ANXA3: variants seen among roughly 807,000 people sequenced by gnomAD.
The protein encoded by ANXA3 is 35-alpha calcimedin.
A neutral mutation model predicts 48.8 loss-of-function variants in ANXA3; 46 were observed. That is an observed-to-expected ratio of 0.94 (90% CI 0.74 to 1.21). The LOEUF (loss-of-function observed/expected upper bound fraction) is 1.21. Among genes scored for constraint, ANXA3 ranks in the 50% most tolerant of loss-of-function variants. The pLI is 0.00. For synonymous variants in ANXA3, 128 were observed against 134.7 expected (o/e 0.95, Z 0.35); for missense variants, 383 against 378.6 (o/e 1.01, Z -0.10).
intron 2 of ANXA3, among the ~76,000 whole-genome samples, chr4:78,562,268 A>G (rs2109926401): frequency 6.6e-6 from 1 of 152,374 alleles, no homozygotes; most frequent in South Asian, 2.1e-4. Flanking sequence ...TAAAATGAAT[A>G]CACAGGTCTC....
chr4:78,593,142 CACACACACA>C (rs1723337321), intron 7 of ANXA3, among the ~76,000 whole-genome samples: 2 of 151,720 alleles, frequency 1.3e-5, no homozygotes, highest in African/African-American at 4.8e-5. Flanking sequence ...CACACACACA[CACACACACA>C]CCACTTAAAC....
chr4:78,604,526 G>A, intron 12 of ANXA3, 127 bp downstream of exon 12: 1 of 763,234 alleles, frequency 1.3e-6, no homozygotes, highest in Non-Finnish European at 1.9e-6. Context: ...GTATAAATGT[G>A]TTGTCTGAGC....
chr4:78,585,761 A>G (rs78728705), intron 5 of ANXA3, among the ~76,000 whole-genome samples: 2,899 of 152,322 alleles, frequency 0.019, 108 homozygotes, highest in African/African-American at 0.066. Context: ...TGACCTTGAT[A>G]TAAACAGGAC....
chr4:78,578,995 A>C, intron 3 of ANXA3, 32 bp from the exon 4 acceptor site: 1 of 1,461,288 alleles, frequency 6.8e-7, no homozygotes, highest in Admixed American at 1.7e-5. Context: ...TTGAGCATAA[A>C]TATTGAGTAA....
Position 78,582,179 on chromosome 4 carries a change from G to C in ANXA3, c.201G>C (p.Glu67Asp). Residue 67 changes from glutamate to aspartate, a missense_variant and splice_region_variant, in exon 5 of 13, where the codon GAG (glutamate) becomes GAC (aspartate). By Grantham distance (45) the Glu-to-Asp change is conservative (BLOSUM62 2). Transcript: ENST00000264908. The part of the protein sequence containing the change: ...VKEYQAAYGK[E>D]LKDDLKGDLS... ...TCCCCTTGGTTTTTTGATTTTAGGAGCTGAAAGATGACTTGAAGGGTGATC... is the reference window on the plus strand; with the variant it reads ...TCCCCTTGGTTTTTTGATTTTAGGACCTGAAAGATGACTTGAAGGGTGATC... 1 of 1,600,958 alleles carries C rather than the reference G, an allele frequency of 6.2e-7. No homozygotes were observed. Among genetic ancestry groups the C allele is most frequent in the South Asian group, 1.1e-5 (1 of 89,728 alleles).
intron 5 of ANXA3, among the ~76,000 whole-genome samples, chr4:78,584,346 T>A (rs559522277): frequency 7.5e-5 from 11 of 146,682 alleles, no homozygotes; most frequent in South Asian, 2.1e-4. Flanking sequence ...CTAATTAAAA[T>A]TTTTTTTTTT....
intron 12 of ANXA3, among the ~76,000 whole-genome samples, chr4:78,608,792 T>C (rs1243979561): frequency 6.6e-6 from 1 of 152,140 alleles, no homozygotes; most frequent in Non-Finnish European, 1.5e-5. Context: ...TTTACATGTA[T>C]TGAGTTTGAG....
chr4:78,584,168 A>G (rs1339181033), intron 5 of ANXA3, among the ~76,000 whole-genome samples: 1 of 152,170 alleles, frequency 6.6e-6, no homozygotes. Context: ...ATTACTGTCT[A>G]AAAGTATCTT....
intron 11 of ANXA3, 39 bp downstream of exon 11, chr4:78,601,607 TA>T: frequency 6.4e-7 from 1 of 1,561,354 alleles, no homozygotes; most frequent in Non-Finnish European, 8.8e-7. Context: ...TAGCGTCCCT[TA>T]ATTCCCTTGG....
chr4:78,598,697 G>A (rs988331589), intron 10 of ANXA3, among the ~76,000 whole-genome samples: 26 of 151,916 alleles, frequency 1.7e-4, no homozygotes, highest in African/African-American at 6.0e-4. Flanking sequence ...ACGCCACCAC[G>A]CCTGGCTAAC....
chr4:78,577,015 T>G (rs1006616595), intron 3 of ANXA3, among the ~76,000 whole-genome samples: 8 of 152,048 alleles, frequency 5.3e-5, no homozygotes, highest in Non-Finnish European at 1.2e-4. Flanking sequence ...GCAGGAGAGA[T>G]CATAATGAGC....
At chr4:78,595,698 G>T in intron 8 of ANXA3, 96 bp from the exon 9 acceptor site, 1 of 808,154 alleles carries the variant, frequency 1.2e-6, no homozygotes, top group Non-Finnish European at 2.0e-6. Context: ...GATAATAGAT[G>T]ATGGCACTGA....
chr4:78,610,381 A>G lies in ANXA3; in HGVS notation c.*266A>G. 2 of 278,786 alleles carry G rather than the reference A, an allele frequency of 7.2e-6. No individual in the cohort carries two copies. The highest frequency in any genetic ancestry group is 1.3e-5 in the Non-Finnish European group (2 of 149,720). The allele number at this position is 278,786 out of a possible 1,614,324, so 17.3% of individuals were successfully genotyped here. Reference sequence around the variant, plus strand: ...ACTTATATTTCTGCTTTCAAAGTTAAGAATCTTTATAGTTCTACTCCATTA... The same window carrying G: ...ACTTATATTTCTGCTTTCAAAGTTAGGAATCTTTATAGTTCTACTCCATTA... On this transcript the variant is annotated 3_prime_UTR_variant, in exon 13 of 13. Transcript: ENST00000264908.
At chr4:78,595,320 T>C (rs1359831173) in intron 7 of ANXA3, 61 bp from the exon 8 acceptor site, 1 of 1,558,924 alleles carries the variant, frequency 6.4e-7, no homozygotes, top group East Asian at 2.2e-5. Flanking sequence ...CTGGTTGAAG[T>C]ACTATGTGTT....
chr4:78,570,168 G>GGT (rs1348557799), intron 2 of ANXA3, among the ~76,000 whole-genome samples: 10 of 152,000 alleles, frequency 6.6e-5, no homozygotes, highest in Admixed American at 3.9e-4. Context: ...TTCAAGTTGG[G>GGT]GTGTGTGTGT....
chr4:78,595,852 T>A lies in ANXA3; in HGVS notation c.599T>A (p.Ile200Asn). 1 of 1,612,390 alleles carries A rather than the reference T, an allele frequency of 6.2e-7. No individual in the cohort carries two copies. Among genetic ancestry groups the A allele is most frequent in the South Asian group, 1.1e-5 (1 of 91,036 alleles). ...ACGGATGAAGACAAATTCACTGAGA[T>A]CCTGTGTTTAAGGAGCTTTCCTCAA... is the stretch of plus-strand genomic sequence containing the variant. Reference protein sequence around the residue: ...WGTDEDKFTEILCLRSFPQLK... With the variant: ...WGTDEDKFTENLCLRSFPQLK... The change falls in exon 9 of 13, where the codon ATC (isoleucine) becomes AAC (asparagine). Residue 200 changes from isoleucine to asparagine, a missense_variant. Ile to Asn is a moderately radical substitution (Grantham distance 149, BLOSUM62 -3). Transcript: ENST00000264908.
intron 9 of ANXA3, chr4:78,596,966 T>G (rs1211783845): frequency 4.9e-6 from 1 of 202,764 alleles, no homozygotes; most frequent in African/African-American, 2.4e-5. Flanking sequence ...GTGATTATAG[T>G]ATCATTTCCC....
chr4:78,555,250 T>A (rs7696371), intron 2 of ANXA3, among the ~76,000 whole-genome samples: 122,277 of 152,106 alleles, frequency 0.8, 49,232 homozygotes, highest in East Asian at 0.88. Flanking sequence ...TTGAAGAATA[T>A]TCTTGGAGTG....
chr4:78,578,529 G>A (rs1372871682), intron 3 of ANXA3, among the ~76,000 whole-genome samples: 1 of 152,186 alleles, frequency 6.6e-6, no homozygotes, highest in African/African-American at 2.4e-5. Context: ...AGGAAGATAA[G>A]TTCGTGTCTT....
Sources: gnomAD v4.1 joint callset for allele counts (sites outside exome capture counted in the v4.1 genomes callset) on GRCh38, gnomAD v4.1.1 for gene constraint, MANE v1.5 for transcripts, NCBI Gene and HGNC (gene_info 2026-07-23, HGNC 2026-07-21) for gene names.